The following SKI variants were observed in gnomAD, a reference collection of about 807,000 sequenced individuals.
SKI encodes the protein ski oncogene.
In SKI, 23 loss-of-function variants were observed where a neutral mutation model predicts 59.3. The ratio of observed to expected loss-of-function variants is 0.39; its 90% CI spans 0.28 to 0.55. The LOEUF is 0.55. Ranked by LOEUF, SKI falls within the 20% of genes least tolerant of loss-of-function variation. The pLI, the probability that SKI is intolerant of heterozygous loss-of-function variation, is 0.67. For synonymous variants in SKI, 673 were observed against 488.6 expected, an observed-to-expected ratio of 1.38 and a Z score of -4.98; for missense variants, 1,017 against 1,038.9, an observed-to-expected ratio of 0.98 and a Z score of 0.29.
intron 1 of SKI, among the ~76,000 whole-genome samples, chr1:2,237,862 C>G (rs1638785421): frequency 6.6e-6 from 1 of 152,240 alleles, no homozygotes; most frequent in African/African-American, 2.4e-5. Flanking sequence ...CCTGAGGGCC[C>G]CGGGAGGCTG....
At chr1:2,282,801 C>T (rs539826855) in intron 1 of SKI, among the ~76,000 whole-genome samples, 4 of 152,056 alleles carry the variant, frequency 2.6e-5, no homozygotes, top group Non-Finnish European at 4.4e-5. Context: ...CTGTCCTTGG[C>T]GCCCAGCACA....
rs1274996058 is a variant in SKI, at chr1:2,308,504, A to T, written c.*1739A>T. On this transcript the variant is annotated 3_prime_UTR_variant, in exon 7 of 7. Transcript: ENST00000378536. ...TGCATGGATTCCACACCTCTGCCGTAGGTAGATCCGTCAGCGGGCATTATT... is the reference window on the plus strand; with the variant it reads ...TGCATGGATTCCACACCTCTGCCGTTGGTAGATCCGTCAGCGGGCATTATT... 6.6e-6 allele frequency: 1 copy of T among 152,166 alleles called. No individual in the cohort carries two copies. The highest frequency in any genetic ancestry group is 1.5e-5 in the Non-Finnish European group (1 of 68,048). 9.4% of individuals were successfully genotyped at this position (152,166 alleles called of 1,614,324 possible).
chr1:2,268,833 G>A lies in SKI; in HGVS notation c.970-34145G>A, dbSNP rs923179962. Among the ~76,000 whole-genome samples, 2 of 152,120 alleles carry A rather than the reference G, an allele frequency of 1.3e-5. No individual in the cohort carries two copies. Among genetic ancestry groups the A allele is most frequent in the African/African-American group, 2.4e-5 (1 of 41,418 alleles). On this transcript the variant is annotated intron_variant, in intron 1 of 6. Transcript: ENST00000378536. This position sits in a 1 kb window ranked among gnomAD's most constrained non-coding sequence, Gnocchi z 5.0. Reference sequence around the variant, plus strand: ...AGAGAGCCCCAGCTGCTGTGCTGCCGTATTCTGATTCCTTCTTCCCTCCCT... The same window carrying A: ...AGAGAGCCCCAGCTGCTGTGCTGCCATATTCTGATTCCTTCTTCCCTCCCT...
At chr1:2,235,168 G>GT (rs34646035) in intron 1 of SKI, among the ~76,000 whole-genome samples, 81,955 of 151,518 alleles carry the variant, frequency 0.54, 22,621 homozygotes, top group East Asian at 0.83. Flanking sequence ...CCAGCCTCCT[G>GT]GTAGCTGGGA....
At chr1:2,274,537 C>T (rs953904290) in intron 1 of SKI, among the ~76,000 whole-genome samples, 3 of 152,216 alleles carry the variant, frequency 2.0e-5, no homozygotes, top group Non-Finnish European at 4.4e-5. Context: ...GGTCAGTCCT[C>T]CCCAGGGGCC....
At chr1:2,274,871 T>G (rs1639706718) in intron 1 of SKI, among the ~76,000 whole-genome samples, 1 of 152,210 alleles carries the variant, frequency 6.6e-6, no homozygotes, top group African/African-American at 2.4e-5. Context: ...GGCCCCCTCC[T>G]GGCTTCTTGC....
At chr1:2,285,486 G>A (rs1640017951) in intron 1 of SKI, among the ~76,000 whole-genome samples, 1 of 151,600 alleles carries the variant, frequency 6.6e-6, no homozygotes, top group African/African-American at 2.4e-5. Flanking sequence ...CTGCACTCCA[G>A]CCTGGGTGAC....
chr1:2,264,738 G>A (rs966516691), intron 1 of SKI, among the ~76,000 whole-genome samples: 1 of 152,096 alleles, frequency 6.6e-6, no homozygotes, highest in Non-Finnish European at 1.5e-5. Context: ...GCTGTACTGT[G>A]TTCCTGCATG....
chr1:2,231,520 G>A (rs960154781), intron 1 of SKI, among the ~76,000 whole-genome samples: 4 of 152,226 alleles, frequency 2.6e-5, no homozygotes, highest in African/African-American at 7.2e-5. Context: ...GGTTGTGAGC[G>A]CCGGGGTCCT....
chr1:2,252,952 C>T lies in SKI; in HGVS notation c.969+23217C>T, dbSNP rs184049162. Among the ~76,000 whole-genome samples, 37 of 151,996 alleles carry T rather than the reference C, an allele frequency of 2.4e-4. No homozygotes were observed. In the East Asian group the frequency reaches 5.2e-3, roughly 21 times the overall value. On this transcript the variant is annotated intron_variant, in intron 1 of 6. Transcript: ENST00000378536. ...CTCTACTGAAAATACAAAAATTAGCCGGGCGTGGTTGCAGGTGCCTGTAAT... is the reference window on the plus strand; with the variant it reads ...CTCTACTGAAAATACAAAAATTAGCTGGGCGTGGTTGCAGGTGCCTGTAAT...
At chr1:2,297,399 C>T (rs1640310291) in intron 1 of SKI, among the ~76,000 whole-genome samples, 1 of 152,220 alleles carries the variant, frequency 6.6e-6, no homozygotes, top group African/African-American at 2.4e-5. Flanking sequence ...ACAGGCAGGA[C>T]CTCGAGTGCC....
intron 1 of SKI, among the ~76,000 whole-genome samples, chr1:2,259,678 GT>G (rs1243212392): frequency 6.6e-6 from 1 of 152,148 alleles, no homozygotes; most frequent in African/African-American, 2.4e-5. Context: ...GAACCTGTCC[GT>G]CACCCAGAAG....
chr1:2,229,349 T>G lies in SKI; in HGVS notation c.583T>G (p.Tyr195Asp). Residue 195 changes from tyrosine (Y) to aspartate (D), a missense_variant, in exon 1 of 7, where the codon TAC becomes GAC. Transcript: ENST00000378536. The surrounding 1 kb of genome is among the most constrained non-coding windows in gnomAD (Gnocchi z 6.3). Reference protein sequence around the residue: ...LCNALLYGGAYPPPCKKELAA... With the variant: ...LCNALLYGGADPPPCKKELAA... ...CAACGCGCTGCTCTACGGCGGCGCC[T>G]ACCCGCCGCCCTGCAAGAAGGAGCT... 1 of 1,596,002 alleles carries G rather than the reference T, an allele frequency of 6.3e-7. No individual in the cohort carries two copies. Among genetic ancestry groups the G allele is most frequent in the African/African-American group, 1.3e-5 (1 of 74,472 alleles).
rs117498656 is a variant in SKI at position 2,282,763 on chromosome 1, G to A, written c.970-20215G>A. ...GCTCCCCGTCAAGGAGCGGTTTCCA[G>A]GGACACCGGCTCTCGGGGGCGCCAG... On this transcript the variant is annotated intron_variant, in intron 1 of 6. Transcript: ENST00000378536. 3.5e-3 allele frequency among the ~76,000 whole-genome samples: 540 copies of A among 152,282 alleles called. 5 individuals carry two copies. The East Asian group carries it at 0.057, about 16-fold the overall frequency.
At chr1:2,254,785 C>T (rs1361205630) in intron 1 of SKI, among the ~76,000 whole-genome samples, 1 of 152,176 alleles carries the variant, frequency 6.6e-6, no homozygotes, top group Non-Finnish European at 1.5e-5. Context: ...ATAGCACGGG[C>T]CATTGGCATT....
At chr1:2,262,697 C>G (rs1639414709) in intron 1 of SKI, among the ~76,000 whole-genome samples, 1 of 152,040 alleles carries the variant, frequency 6.6e-6, no homozygotes, top group Non-Finnish European at 1.5e-5. Flanking sequence ...CTAGTTTGAT[C>G]AGGAAGGATA....
At chr1:2,230,458 C>T (rs1222389872) in intron 1 of SKI, among the ~76,000 whole-genome samples, 2 of 152,112 alleles carry the variant, frequency 1.3e-5, no homozygotes, top group Non-Finnish European at 2.9e-5. Flanking sequence ...GGCTGAGGGG[C>T]CTGGTCAGCA....
intron 1 of SKI, among the ~76,000 whole-genome samples, chr1:2,262,452 G>A (rs568411076): frequency 2.1e-5 from 3 of 142,594 alleles, no homozygotes; most frequent in East Asian, 2.1e-4. Context: ...GGGAGTGGAC[G>A]TCCTCGCTCC....
chr1:2,249,013 A>G (rs985426526), intron 1 of SKI, among the ~76,000 whole-genome samples: 3 of 152,248 alleles, frequency 2.0e-5, no homozygotes, highest in Non-Finnish European at 4.4e-5. Context: ...CCTGGTGGTC[A>G]GCTGATGGAT....
Sources: allele counts gnomAD v4.1 joint callset (sites outside exome capture counted in the v4.1 genomes callset), GRCh38; gene constraint gnomAD v4.1.1; non-coding constraint Gnocchi (gnomAD v3.1); transcripts MANE v1.5; gene names NCBI Gene and HGNC (gene_info 2026-07-23, HGNC 2026-07-21).